Variants in BRAP observed in about 807,000 individuals in gnomAD.
The protein encoded by BRAP is BRCA1 associated protein, also known as BRCA1-associated protein.
BRAP carries 42 observed loss-of-function variants against 73.4 expected under a neutral mutation model. The observed-to-expected ratio is 0.57, with a 90% CI of 0.45 to 0.74. BRAP has a LOEUF of 0.74. BRAP is among the 30% of genes least tolerant of loss of function. BRAP has a pLI of 0.00. For missense variants in BRAP, 593 were observed against 751.4 expected, an observed-to-expected ratio of 0.79 and a Z score of 2.46; for synonymous variants, 255 against 267.4, an observed-to-expected ratio of 0.95 and a Z score of 0.45.
At chr12:111,666,881 G>A (rs1257718275) in intron 5 of BRAP, among the ~76,000 whole-genome samples, 1 of 152,164 alleles carries the variant, frequency 6.6e-6, no homozygotes, top group South Asian at 2.1e-4. Flanking sequence ...CTGAGGCCTC[G>A]TGCAGCAGCC....
At chr12:111,685,662 C>G in intron 1 of BRAP, 49 bp downstream of exon 1, 1 of 1,567,108 alleles carries the variant, frequency 6.4e-7, no homozygotes, top group Non-Finnish European at 8.6e-7. Context: ...GGGAAGCCCT[C>G]CGGGCCCAGA....
chr12:111,659,246 T>A lies in BRAP; in HGVS notation c.1072A>T (p.Met358Leu), dbSNP rs766313786. Residue 358 changes from methionine to leucine, a missense_variant, in exon 8 of 12, where the codon ATG becomes TTG. This residue lies in a region of BRAP where 67 missense variants were observed against 158.0 expected (regional missense o/e 0.42). Coordinates refer to ENST00000419234, the MANE Select transcript of BRAP (RefSeq NM_006768.5). ...HFEETQHTYA[M>L]QLTNHRVWDY... ...CAGACTCGATGGTTGGTAAGCTGCA[T>A]GGCATACGTGTGCTGCGTTTCCTCA... 1 of 1,614,154 alleles carries A rather than the reference T, an allele frequency of 6.2e-7. No homozygotes were observed. The highest frequency in any genetic ancestry group is 1.3e-5 in the African/African-American group (1 of 75,042).
At position 111,665,671 on chromosome 12, in the gene BRAP, G is replaced by A. The variant is rs368899487; in HGVS notation, c.864C>T (p.His288=). Residue 288 remains histidine, a synonymous_variant, in exon 6 of 12, where the codon CAC becomes CAT. Coordinates refer to ENST00000419234, the MANE Select transcript of BRAP (RefSeq NM_006768.5). This position sits in a 1 kb window ranked among gnomAD's most constrained non-coding sequence, Gnocchi z 4.3. ...CGTCCCAGCGCTGTAGACACTGGCT[G>A]TGGAAGCTGTGGTTACATAACGTTG... ...ILTTLCNHSF[H]SQCLQRWDDT... is the part of the protein sequence containing the mutation. 2.2e-5 allele frequency: 35 copies of A among 1,614,076 alleles called. No homozygotes were observed. Among genetic ancestry groups the A allele is most frequent in the South Asian group, 1.2e-4 (11 of 91,090 alleles).
At position 111,665,773 on chromosome 12, in the gene BRAP, T is replaced by C. The variant is rs942427562; in HGVS notation, c.762A>G (p.Pro254=). Residue 254 remains proline (P), a synonymous_variant, in exon 6 of 12, where the codon CCA becomes CCG. Coordinates refer to ENST00000419234, the MANE Select transcript of BRAP (RefSeq NM_006768.5). This position sits in a 1 kb window ranked among gnomAD's most constrained non-coding sequence, Gnocchi z 4.3. The stretch of plus-strand genomic sequence containing the variant: ...TGGGGAGTTCAGTCAGGTCCATCAC[T>C]GGGAGGCTGGCGCCCTACAGGAAAC... ...VLKSEDGASL[P]VMDLTELPKC... is the part of the protein sequence containing the mutation. 11 of 1,614,114 alleles carry C rather than the reference T, an allele frequency of 6.8e-6. No homozygotes were observed. The highest frequency in any genetic ancestry group is 3.3e-4 in the Middle Eastern group (2 of 6,084).
chr12:111,665,741 G>A lies in BRAP; in HGVS notation c.794C>T (p.Thr265Met), dbSNP rs768505983. The A allele has an allele frequency of 2.5e-6, 4 of 1,614,214 alleles. No individual in the cohort carries two copies. Among genetic ancestry groups the A allele is most frequent in the Non-Finnish European group, 1.7e-6 (2 of 1,180,028 alleles). ...CTCGTCCATGCGCTCCAGACACACC[G>A]TGCACTTGGGGAGTTCAGTCAGGTC... ...VMDLTELPKC[T>M]VCLERMDESV... The change falls in exon 6 of 12, where the codon ACG (threonine) becomes ATG (methionine). Residue 265 changes from threonine to methionine, a missense_variant. This residue lies in a region of BRAP where 67 missense variants were observed against 158.0 expected (regional missense o/e 0.42). Coordinates refer to ENST00000419234, the MANE Select transcript of BRAP (RefSeq NM_006768.5). This position sits in a 1 kb window ranked among gnomAD's most constrained non-coding sequence, Gnocchi z 4.3.
chr12:111,667,425 C>A (rs1465300486), intron 5 of BRAP, among the ~76,000 whole-genome samples: 1 of 151,954 alleles, frequency 6.6e-6, no homozygotes, highest in Non-Finnish European at 1.5e-5. Context: ...AGATGCCGGG[C>A]GGGGTGGCTC....
At chr12:111,669,098 A>C (rs1314386031) in intron 5 of BRAP, among the ~76,000 whole-genome samples, 1 of 152,206 alleles carries the variant, frequency 6.6e-6, no homozygotes, top group Non-Finnish European at 1.5e-5. Flanking sequence ...GTCAATAGTT[A>C]AGTAACGTTT....
intron 10 of BRAP, among the ~76,000 whole-genome samples, chr12:111,652,997 A>G (rs147220603): frequency 2.2e-4 from 33 of 152,220 alleles, no homozygotes; most frequent in Admixed American, 9.2e-4. Context: ...GGCGTGATCC[A>G]CTGTGCCCGG....
chr12:111,661,162 TAG>T (rs1385487966), intron 6 of BRAP, among the ~76,000 whole-genome samples: 2 of 150,548 alleles, frequency 1.3e-5, no homozygotes, highest in African/African-American at 4.9e-5. Flanking sequence ...GTATTTTTGG[TAG>T]AGACGGGGCT....
chr12:111,665,353 G>A lies in BRAP; in HGVS notation c.896+286C>T, dbSNP rs1057077302. On this transcript the variant is annotated intron_variant, in intron 6 of 11. Transcript: ENST00000419234. This position sits in a 1 kb window ranked among gnomAD's most constrained non-coding sequence, Gnocchi z 4.3. ...CCAGACCTAGATTTCACTGCAGCAC[G>A]AGAGCCTCAAACTAAGCTTTGCTTT... 8.5e-5 allele frequency among the ~76,000 whole-genome samples: 13 copies of A among 152,066 alleles called. No homozygotes were observed. Among genetic ancestry groups the A allele is most frequent in the Non-Finnish European group, 1.6e-4 (11 of 68,012 alleles).
chr12:111,667,566 C>G (rs1159558634), intron 5 of BRAP, among the ~76,000 whole-genome samples: 1 of 151,200 alleles, frequency 6.6e-6, no homozygotes, highest in African/African-American at 2.4e-5. Context: ...CGGGTGTGGT[C>G]GTGGGTGCCT....
At chr12:111,668,733 T>C (rs1328015948) in intron 5 of BRAP, among the ~76,000 whole-genome samples, 2 of 151,798 alleles carry the variant, frequency 1.3e-5, no homozygotes, top group Non-Finnish European at 2.9e-5. Context: ...CTCGGCTCAC[T>C]GCAAGCTCCG....
At chr12:111,655,004 G>A (rs1008748649) in intron 10 of BRAP, among the ~76,000 whole-genome samples, 10 of 152,058 alleles carry the variant, frequency 6.6e-5, no homozygotes, top group African/African-American at 2.4e-4. Flanking sequence ...ACAGAGCTCT[G>A]GGCCTTCCAT....
chr12:111,685,225 G>C (rs1220077419), intron 1 of BRAP, among the ~76,000 whole-genome samples: 2 of 152,224 alleles, frequency 1.3e-5, no homozygotes, highest in Non-Finnish European at 2.9e-5. Context: ...CTGTTGCAAA[G>C]ATAATTAAAG....
In BRAP at chr12:111,672,730, G is replaced by A; in HGVS notation, c.678C>T (p.Phe226=). ...GGCAAACGTCATCTTCTATTGAGTTGAACTGGCGGCCATTGCATGTCATAT... is the reference window on the plus strand; with the variant it reads ...GGCAAACGTCATCTTCTATTGAGTTAAACTGGCGGCCATTGCATGTCATAT... ...SFYMTCNGRQ[F]NSIEDDVCQL... is the part of the protein sequence containing the mutation. Residue 226 remains phenylalanine, a synonymous_variant, in exon 5 of 12, where the codon TTC becomes TTT. Coordinates refer to ENST00000419234, the MANE Select transcript of BRAP (RefSeq NM_006768.5). 1 of 1,614,020 alleles carries A rather than the reference G, an allele frequency of 6.2e-7. No individual in the cohort carries two copies. The highest frequency in any genetic ancestry group is 8.5e-7 in the Non-Finnish European group (1 of 1,180,020).
intron 5 of BRAP, among the ~76,000 whole-genome samples, chr12:111,672,342 G>A (rs780881705): frequency 2.6e-5 from 4 of 151,286 alleles, no homozygotes; most frequent in Non-Finnish European, 5.9e-5. Flanking sequence ...TTTTTTTTAC[G>A]TTTTTTGAAA....
intron 5 of BRAP, chr12:111,670,271 G>A (rs1318945822): frequency 1.9e-5 from 11 of 588,804 alleles, no homozygotes; most frequent in Non-Finnish European, 3.7e-5. Flanking sequence ...ATTACTGGAA[G>A]AAACAGTTTT....
rs540082604 is a variant in BRAP, at chr12:111,659,992, T to C, written c.972+608A>G. On this transcript the variant is annotated intron_variant, in intron 7 of 11. Transcript: ENST00000419234. ...GGGAAGATGAGATGGGAGGAAGGCT[T>C]GAGCCCAGGTATTTGAGGTTACAGT... 2.0e-4 allele frequency among the ~76,000 whole-genome samples: 31 copies of C among 151,784 alleles called. No individual in the cohort carries two copies. In the South Asian group the frequency reaches 5.6e-3, roughly 28 times the overall value.
intron 4 of BRAP, among the ~76,000 whole-genome samples, chr12:111,674,208 G>A (rs1887287750): frequency 6.6e-6 from 1 of 152,050 alleles, no homozygotes; most frequent in Non-Finnish European, 1.5e-5. Context: ...CCCCTCTAAT[G>A]AGGTAATTGT....
Sources: allele counts gnomAD v4.1 joint callset (sites outside exome capture counted in the v4.1 genomes callset), GRCh38; gene constraint gnomAD v4.1.1; regional missense constraint gnomAD v4.1.1; non-coding constraint Gnocchi (gnomAD v3.1); transcripts MANE v1.5; gene names NCBI Gene and HGNC (gene_info 2026-07-23, HGNC 2026-07-21).